Variants in OPCML observed in about 807,000 individuals in gnomAD.
OPCML encodes opioid-binding protein/cell adhesion molecule.
A neutral mutation model predicts 37.8 loss-of-function variants in OPCML; 13 were observed. That is an observed-to-expected ratio of 0.34 (90% confidence interval 0.22 to 0.55). OPCML has a LOEUF of 0.55. Ranked by LOEUF, OPCML falls within the 20% of genes least tolerant of loss-of-function variation. OPCML has a pLI of 0.91. For synonymous variants in OPCML, 176 were observed against 168.8 expected (o/e 1.04, Z -0.33); for missense variants, 341 against 435.6 (o/e 0.78, Z 1.93).
chr11:132,908,818 T>C (rs1043929541), intron 2 of OPCML, among the ~76,000 whole-genome samples: 1 of 152,236 alleles, frequency 6.6e-6, no homozygotes, highest in Admixed American at 6.5e-5. Flanking sequence ...AGGAGTCTAC[T>C]TGGGCTTTCT....
chr11:132,523,558 G>A (rs1334396215), intron 4 of OPCML, among the ~76,000 whole-genome samples: 2 of 152,130 alleles, frequency 1.3e-5, no homozygotes, highest in African/African-American at 4.8e-5. Context: ...CAGGTGCACT[G>A]ACTTTAGGAA....
intron 2 of OPCML, among the ~76,000 whole-genome samples, chr11:132,684,394 T>C (rs1212324446): frequency 1.3e-5 from 2 of 152,190 alleles, no homozygotes; most frequent in Non-Finnish European, 2.9e-5. Flanking sequence ...AGTTTTGCTA[T>C]AAAACTCATG....
chr11:132,939,332 C>A (rs777081568), intron 2 of OPCML, among the ~76,000 whole-genome samples: 20 of 152,156 alleles, frequency 1.3e-4, no homozygotes, highest in Non-Finnish European at 2.9e-4. Context: ...AGTAGTTAAA[C>A]CTCAAATACT....
chr11:133,086,047 T>C (rs942050566), intron 1 of OPCML, among the ~76,000 whole-genome samples: 7 of 152,212 alleles, frequency 4.6e-5, no homozygotes, highest in Admixed American at 1.3e-4. Flanking sequence ...TCTGTGCATT[T>C]CAGAAGATGG....
At chr11:132,463,371 C>T (rs1043845962) in intron 4 of OPCML, among the ~76,000 whole-genome samples, 1 of 152,188 alleles carries the variant, frequency 6.6e-6, no homozygotes, top group Non-Finnish European at 1.5e-5. Flanking sequence ...GAGTGGGCGC[C>T]TGGACAGCAA....
Position 133,494,569 on chromosome 11 carries a change from T to C in OPCML, c.61+37695A>G, listed in dbSNP as rs1334819277. Among the ~76,000 whole-genome samples the C allele has an allele frequency of 2.7e-5, 4 of 145,676 alleles. No individual in the cohort carries two copies. In the East Asian group the frequency reaches 5.9e-4, roughly 21 times the overall value. On this transcript the variant is annotated intron_variant, in intron 1 of 7. Transcript: ENST00000524381. ...AAAAATGATGAGTTCATGTCCTTTGTAGGGACATGGATGAAGCTGGAAACC... is the reference window on the plus strand; with the variant it reads ...AAAAATGATGAGTTCATGTCCTTTGCAGGGACATGGATGAAGCTGGAAACC...
rs1565660027 is a variant in OPCML at position 133,484,067 on chromosome 11, TAGA to T, written c.61+48194_61+48196del. Among the ~76,000 whole-genome samples, 342 of 150,068 alleles carry T rather than the reference TAGA, an allele frequency of 2.3e-3. 1 individual carries two copies. Among genetic ancestry groups the T allele is most frequent in the African/African-American group, 7.9e-3 (317 of 40,186 alleles). On this transcript the variant is annotated intron_variant, in intron 1 of 7. Transcript: ENST00000524381. ...ATAGATAGATAGATAGATAGATAGA[TAGA>T]TAGATAGATAGATTCATAGATGAAT...
chr11:132,822,855 T>C (rs1213210667), intron 2 of OPCML, among the ~76,000 whole-genome samples: 4 of 152,186 alleles, frequency 2.6e-5, no homozygotes, highest in Non-Finnish European at 5.9e-5. Context: ...ACTAATTTAC[T>C]AGCTGTGGGA....
chr11:133,024,407 T>C, intron 1 of OPCML: 1 of 985,218 alleles, frequency 1.0e-6, no homozygotes, highest in Non-Finnish European at 1.2e-6. Context: ...TGGAGAGATT[T>C]AGACATGGAG....
chr11:133,036,838 TGAG>T (rs1428595931), intron 1 of OPCML, among the ~76,000 whole-genome samples: 3 of 152,322 alleles, frequency 2.0e-5, no homozygotes, highest in Admixed American at 6.5e-5. Flanking sequence ...TTTATTGGCA[TGAG>T]GACAGACCCA....
At chr11:133,236,488 T>C (rs1940522746) in intron 1 of OPCML, among the ~76,000 whole-genome samples, 1 of 146,020 alleles carries the variant, frequency 6.8e-6, no homozygotes, top group African/African-American at 2.4e-5. Context: ...GTGTAAAAAG[T>C]AAAGTAGAGG....
At chr11:133,338,702 A>T (rs953594681) in intron 1 of OPCML, among the ~76,000 whole-genome samples, 22 of 152,318 alleles carry the variant, frequency 1.4e-4, no homozygotes, top group African/African-American at 5.3e-4. Flanking sequence ...GCCAAAGAGA[A>T]AATTGGAATT....
chr11:132,834,842 T>G (rs1806307812), intron 2 of OPCML, among the ~76,000 whole-genome samples: 1 of 152,278 alleles, frequency 6.6e-6, no homozygotes, highest in South Asian at 2.1e-4. Context: ...CCATAACACC[T>G]TGGTAGCTGA....
chr11:132,884,540 A>G (rs1222623146), intron 2 of OPCML, among the ~76,000 whole-genome samples: 2 of 152,246 alleles, frequency 1.3e-5, no homozygotes, highest in African/African-American at 4.8e-5. Context: ...GGAGACATAT[A>G]AAGTGGGAAT....
intron 2 of OPCML, chr11:132,771,481 T>G (rs746994549): frequency 6.6e-6 from 1 of 152,140 alleles, no homozygotes; most frequent in Non-Finnish European, 1.5e-5. Context: ...CAAAAAGGAA[T>G]AGGTGAGAAT....
At chr11:133,255,969 T>C (rs1419630104) in intron 1 of OPCML, among the ~76,000 whole-genome samples, 1 of 152,258 alleles carries the variant, frequency 6.6e-6, no homozygotes, top group African/African-American at 2.4e-5. Flanking sequence ...TAATATTCCA[T>C]GTTGTATGTA....
intron 2 of OPCML, among the ~76,000 whole-genome samples, chr11:132,932,690 A>ATT (rs1003650002): frequency 5.1e-5 from 6 of 118,216 alleles, no homozygotes; most frequent in African/African-American, 2.4e-4. Context: ...TTATATATAT[A>ATT]TTATATATAT....
intron 2 of OPCML, among the ~76,000 whole-genome samples, chr11:132,872,610 A>G (rs1942851573): frequency 6.6e-6 from 1 of 152,190 alleles, no homozygotes; most frequent in Admixed American, 6.5e-5. Flanking sequence ...AAGGACTCTG[A>G]GGCCCAGAAA....
chr11:133,282,956 C>T (rs897764146), intron 1 of OPCML, among the ~76,000 whole-genome samples: 1 of 152,140 alleles, frequency 6.6e-6, no homozygotes, highest in Non-Finnish European at 1.5e-5. Flanking sequence ...TTACCCAATG[C>T]CTATATCATC....
Sources: allele counts gnomAD v4.1 joint callset (sites outside exome capture counted in the v4.1 genomes callset), GRCh38; gene constraint gnomAD v4.1.1; transcripts MANE v1.5; gene names NCBI Gene and HGNC (gene_info 2026-07-23, HGNC 2026-07-21).